Variants in BCL10 observed in about 807,000 individuals in gnomAD.
BCL10 encodes BCL10 immune signaling adaptor.
A neutral mutation model predicts 19.2 loss-of-function variants in BCL10; 5 were observed. The observed-to-expected ratio is 0.26, with a 90% CI of 0.14 to 0.55. The LOEUF (loss-of-function observed/expected upper bound fraction) is 0.55, where lower values mean the gene tolerates loss of function less well. Among genes scored for constraint, BCL10 ranks in the 20% least tolerant of loss-of-function variants. BCL10 has a pLI of 0.94. For synonymous variants in BCL10, 110 were observed against 98.8 expected, an observed-to-expected ratio of 1.11 and a Z score of -0.67; for missense variants, 201 against 271.9, an observed-to-expected ratio of 0.74 and a Z score of 1.83.
rs2100751240 is a variant in BCL10 at position 85,273,562 on chromosome 1, T to C, written c.58-2656A>G. Among the ~76,000 whole-genome samples, 2 of 152,354 alleles carry C rather than the reference T, an allele frequency of 1.3e-5. 1 individual carries two copies. The highest frequency in any genetic ancestry group is 1.3e-4 in the Admixed American group (2 of 15,306). On this transcript the variant is annotated intron_variant, in intron 1 of 2. Transcript: ENST00000648566. ...CACTTACATTTCTAGCTCAGATCTC[T>C]CTTCTGATCTTTGACTTTGCAGATG...
At position 85,276,517 on chromosome 1, in the gene BCL10, C is replaced by G; in HGVS notation, c.-165G>C. On this transcript the variant is annotated 5_prime_UTR_variant, in exon 1 of 3. Coordinates refer to ENST00000648566, the MANE Select transcript of BCL10 (RefSeq NM_003921.5). ...TTCGGGAACAGAGGGACTCGGGGGT[C>G]AAACCGTAGCGCTTCCGGCCCCGCC... 1 of 704,918 alleles carries G rather than the reference C, an allele frequency of 1.4e-6. No homozygotes were observed. Among genetic ancestry groups the G allele is most frequent in the Non-Finnish European group, 2.4e-6 (1 of 425,058 alleles). 43.7% of individuals were successfully genotyped at this position (704,918 alleles called of 1,614,324 possible). A position where few individuals can be genotyped will look rare whatever the true frequency, so the allele number is the denominator to read the frequency against.
chr1:85,268,557 C>A (rs1660270121), intron 2 of BCL10, among the ~76,000 whole-genome samples: 1 of 152,112 alleles, frequency 6.6e-6, no homozygotes, highest in African/African-American at 2.4e-5. Flanking sequence ...ATCATGAGGT[C>A]AGGAGTTTGA....
At chr1:85,269,302 G>T (rs1257081413) in intron 2 of BCL10, among the ~76,000 whole-genome samples, 3 of 152,294 alleles carry the variant, frequency 2.0e-5, no homozygotes, top group South Asian at 2.1e-4. Flanking sequence ...TACCATCAAA[G>T]AATTTTATGA....
At chr1:85,271,148 G>A (rs1225438515) in intron 1 of BCL10, among the ~76,000 whole-genome samples, 2 of 152,146 alleles carry the variant, frequency 1.3e-5, no homozygotes, top group Non-Finnish European at 2.9e-5. Context: ...TTGTGAAGAG[G>A]GACCAGCTGA....
At chr1:85,272,239 T>C (rs1490809670) in intron 1 of BCL10, among the ~76,000 whole-genome samples, 1 of 152,068 alleles carries the variant, frequency 6.6e-6, no homozygotes, top group African/African-American at 2.4e-5. Flanking sequence ...ATATGAATTT[T>C]ACTAAATTTT....
chr1:85,270,279 T>A (rs1354092503), intron 2 of BCL10, among the ~76,000 whole-genome samples: 2 of 152,236 alleles, frequency 1.3e-5, no homozygotes, highest in Admixed American at 6.5e-5. Flanking sequence ...TCTGTTTTTG[T>A]TTTGCTTTTC....
chr1:85,272,984 T>C (rs1660407029), intron 1 of BCL10, among the ~76,000 whole-genome samples: 1 of 152,220 alleles, frequency 6.6e-6, no homozygotes, highest in African/African-American at 2.4e-5. Flanking sequence ...ACTATCTGTC[T>C]CTCTACATTT....
intron 2 of BCL10, among the ~76,000 whole-genome samples, chr1:85,268,768 C>CAAAAAAAAAAAAAAAAAAAAAGAAAAA: frequency 1.5e-5 from 1 of 67,088 alleles, no homozygotes. Flanking sequence ...GACTCCGTCT[C>CAAAAAAAAAAAAAAAAAAAAAGAAAAA]AAAAAAAAAA....
chr1:85,269,957 GATC>G (rs1009488687), intron 2 of BCL10, among the ~76,000 whole-genome samples: 1 of 152,164 alleles, frequency 6.6e-6, no homozygotes, highest in African/African-American at 2.4e-5. Context: ...ATCAACTGGT[GATC>G]ATAAGAAAAA....
chr1:85,267,827 T>C lies in BCL10; in HGVS notation c.502A>G (p.Thr168Ala), dbSNP rs1384278393. Residue 168 changes from threonine to alanine, a missense_variant, in exon 3 of 3, where the codon ACT (threonine) becomes GCT (alanine). Thr to Ala is a moderately conservative substitution (Grantham distance 58). Around this residue, in one of 3 missense-constraint regions of BCL10, gnomAD observed 126 missense variants for 136.6 expected, o/e 0.92. Coordinates refer to ENST00000648566, the MANE Select transcript of BCL10 (RefSeq NM_003921.5). ...GESSTTPFFS[T>A]NSSLNLPVLE... ...ACAGGCAAATTCAGAGAAGAATTAG[T>C]AGAAAAAAAGGGCGTCGTGCTGGAT... The C allele has an allele frequency of 1.2e-6, 2 of 1,614,198 alleles. No homozygotes were observed. The highest frequency in any genetic ancestry group is 1.7e-6 in the Non-Finnish European group (2 of 1,180,038).
At position 85,270,621 on chromosome 1, in the gene BCL10, T is replaced by G; in HGVS notation, c.343A>C (p.Lys115Gln). ...KLRNIKLEHL[K>Q]GLKCSSCEPF... ...TTAGATAATTAAGATATCTTACCTT[T>G]CAGATGTTCTAGTTTTATATTTCTA... The change falls in exon 2 of 3, where the codon AAA becomes CAA. Residue 115 changes from lysine to glutamine, a missense_variant. By Grantham distance (53) the Lys-to-Gln change is moderately conservative. Around this residue, in one of 3 missense-constraint regions of BCL10, gnomAD observed 51 missense variants for 118.8 expected, o/e 0.43. Coordinates refer to ENST00000648566, the MANE Select transcript of BCL10 (RefSeq NM_003921.5). The G allele has an allele frequency of 1.3e-6, 2 of 1,593,776 alleles. No individual in the cohort carries two copies. Among genetic ancestry groups the G allele is most frequent in the Non-Finnish European group, 1.7e-6 (2 of 1,171,198 alleles).
At position 85,266,052 on chromosome 1, in the gene BCL10, T is replaced by TA. The variant is rs141801748; in HGVS notation, c.*1574dup. Among the ~76,000 whole-genome samples, 3,567 of 152,102 alleles carry TA rather than the reference T, an allele frequency of 0.023. 94 individuals are homozygous for TA. Among genetic ancestry groups the TA allele is most frequent in the East Asian group, 0.11 (588 of 5,190 alleles). On this transcript the variant is annotated 3_prime_UTR_variant, in exon 3 of 3. Transcript: ENST00000648566. ...TATAATCCTTAGAAAGTGCTTATAC[T>TA]AAAAAAAATCCAATCTTTAAAAATT...
intron 2 of BCL10, among the ~76,000 whole-genome samples, chr1:85,269,382 T>C (rs888054133): frequency 6.6e-6 from 1 of 152,250 alleles, no homozygotes; most frequent in Non-Finnish European, 1.5e-5. Flanking sequence ...TTTACCCTTC[T>C]GTTAGGCTTA....
At chr1:85,268,968 G>A (rs1215826599) in intron 2 of BCL10, among the ~76,000 whole-genome samples, 1 of 152,208 alleles carries the variant, frequency 6.6e-6, no homozygotes, top group Non-Finnish European at 1.5e-5. Flanking sequence ...TTCACATGTT[G>A]GAAACTTGGT....
At chr1:85,275,359 C>A (rs969563619) in intron 1 of BCL10, among the ~76,000 whole-genome samples, 1 of 152,198 alleles carries the variant, frequency 6.6e-6, no homozygotes, top group African/African-American at 2.4e-5. Flanking sequence ...TATCCAGTTT[C>A]CTTCTGCTGG....
chr1:85,273,870 C>T (rs1214822627), intron 1 of BCL10, among the ~76,000 whole-genome samples: 1 of 152,002 alleles, frequency 6.6e-6, no homozygotes. Context: ...TTCAACAAGT[C>T]CCTACTATAC....
chr1:85,274,843 C>G (rs906891404), intron 1 of BCL10, among the ~76,000 whole-genome samples: 2 of 152,112 alleles, frequency 1.3e-5, no homozygotes, highest in African/African-American at 4.8e-5. Context: ...CCTTTTGAAA[C>G]CCATCCATGG....
intron 1 of BCL10, among the ~76,000 whole-genome samples, chr1:85,275,606 G>T (rs1422707316): frequency 6.6e-6 from 1 of 152,070 alleles, no homozygotes; most frequent in Non-Finnish European, 1.5e-5. Flanking sequence ...ACAAGTAAAC[G>T]CAAAGGAAAA....
In BCL10 at chr1:85,276,343, T is replaced by C; in HGVS notation, c.10A>G (p.Thr4Ala). ...TCCTCCTCGGTGAGGGACGGTGCGG[T>C]GGGCTCCATGGTGGAGGCGGGAGAT... MEP[T>A]APSLTEEDLT... The change falls in exon 1 of 3, where the codon ACC (threonine) becomes GCC (alanine). Residue 4 changes from threonine (T) to alanine (A), a missense_variant. By Grantham distance (58) the Thr-to-Ala change is moderately conservative. Coordinates refer to ENST00000648566, the MANE Select transcript of BCL10 (RefSeq NM_003921.5). The C allele has an allele frequency of 1.2e-6, 2 of 1,613,330 alleles. No individual in the cohort carries two copies. Among genetic ancestry groups the C allele is most frequent in the Non-Finnish European group, 8.5e-7 (1 of 1,179,570 alleles).
Sources: gnomAD v4.1 joint callset for allele counts (sites outside exome capture counted in the v4.1 genomes callset) on GRCh38, gnomAD v4.1.1 for gene constraint, gnomAD v4.1.1 regional missense constraint, MANE v1.5 for transcripts, NCBI Gene and HGNC (gene_info 2026-07-23, HGNC 2026-07-21) for gene names.